MAP3K1: variants seen among roughly 807,000 people sequenced by gnomAD.
MAP3K1 encodes the protein MAP/ERK kinase kinase 1.
Under a neutral mutation model 144.2 loss-of-function variants are expected in MAP3K1, and 36 were observed. The observed-to-expected ratio is 0.25, with a 90% CI of 0.19 to 0.33. The LOEUF is 0.33. Ranked by LOEUF, MAP3K1 falls within the 10% of genes least tolerant of loss-of-function variation. MAP3K1 has a pLI of 1.00. For synonymous variants in MAP3K1, 718 were observed against 688.7 expected (o/e 1.04, Z -0.67); for missense variants, 1,650 against 1,881.9 (o/e 0.88, Z 2.28).
At chr5:56,881,306 C>A (rs759099252) in intron 13 of MAP3K1, 34 bp downstream of exon 13, 2 of 1,549,194 alleles carry the variant, frequency 1.3e-6, no homozygotes, top group Non-Finnish European at 1.8e-6. Flanking sequence ...TTACTTGTAT[C>A]TTCCTACCCT....
intron 1 of MAP3K1, among the ~76,000 whole-genome samples, chr5:56,848,160 GCT>G (rs763233765): frequency 4.0e-5 from 6 of 151,832 alleles, no homozygotes; most frequent in African/African-American, 1.5e-4. Context: ...CTGACTAGTA[GCT>G]CTCTGTCTTT....
At chr5:56,854,333 T>G (rs1200347722) in intron 1 of MAP3K1, among the ~76,000 whole-genome samples, 1 of 145,568 alleles carries the variant, frequency 6.9e-6, no homozygotes, top group Admixed American at 7.2e-5. Flanking sequence ...CTTGGAAGGC[T>G]GAGGCAGGAG....
At chr5:56,822,583 G>A (rs1247806185) in intron 1 of MAP3K1, among the ~76,000 whole-genome samples, 1 of 152,086 alleles carries the variant, frequency 6.6e-6, no homozygotes, top group Non-Finnish European at 1.5e-5. Flanking sequence ...TCATTCTCTT[G>A]AACATTGATA....
chr5:56,867,854 T>C (rs1669844326), intron 6 of MAP3K1, among the ~76,000 whole-genome samples: 1 of 152,174 alleles, frequency 6.6e-6, no homozygotes, highest in African/African-American at 2.4e-5. Flanking sequence ...AGTTTAAATA[T>C]CCAACAGCAA....
intron 1 of MAP3K1, among the ~76,000 whole-genome samples, chr5:56,841,639 C>G (rs1297289326): frequency 6.6e-6 from 1 of 152,222 alleles, no homozygotes; most frequent in African/African-American, 2.4e-5. Flanking sequence ...ATTGAGCTTT[C>G]TATCTTCTGA....
chr5:56,851,641 A>G (rs1031614501), intron 1 of MAP3K1, among the ~76,000 whole-genome samples: 17 of 152,226 alleles, frequency 1.1e-4, no homozygotes, highest in African/African-American at 3.9e-4. Flanking sequence ...CTCTTCCTGC[A>G]GTAACACTAT....
In MAP3K1 at chr5:56,887,538, G is replaced by T. The variant is rs1322125002; in HGVS notation, c.4257+18G>T. 1 of 1,613,874 alleles carries T rather than the reference G, an allele frequency of 6.2e-7. No individual in the cohort carries two copies. Among genetic ancestry groups the T allele is most frequent in the East Asian group, 2.2e-5 (1 of 44,868 alleles). On this transcript the variant is annotated intron_variant, in intron 18 of 19. Coordinates refer to ENST00000399503, the MANE Select transcript of MAP3K1 (RefSeq NM_005921.2). ...CACCTGAGGTGAGAAGCATCTTTGA[G>T]TGTGATGACAGAAAATATTTTGGAA...
At chr5:56,820,805 C>G (rs946260340) in intron 1 of MAP3K1, 5 of 985,146 alleles carry the variant, frequency 5.1e-6, no homozygotes, top group Non-Finnish European at 6.0e-6. Flanking sequence ...AGTGCACAAG[C>G]TGTTTCTGTC....
rs186794673 is a variant in MAP3K1 at position 56,865,739 on chromosome 5, A to C, written c.1153-90A>C. ...TAAATCAACTTTATGAAAAACATGC[A>C]AATTAAAGATAAATAATTCAGCCTC... On this transcript the variant is annotated intron_variant, in intron 5 of 19. Coordinates refer to ENST00000399503, the MANE Select transcript of MAP3K1 (RefSeq NM_005921.2). 14 of 1,372,784 alleles carry C rather than the reference A, an allele frequency of 1.0e-5. No homozygotes were observed. In the African/African-American group the frequency reaches 1.9e-4, roughly 18 times the overall value. The allele number at this position is 1,372,784 out of a possible 1,614,324, so 85.0% of individuals were successfully genotyped here. A position where few individuals can be genotyped will look rare whatever the true frequency, so the allele number is the denominator to read the frequency against.
At chr5:56,867,463 T>G (rs977700232) in intron 6 of MAP3K1, among the ~76,000 whole-genome samples, 1 of 152,096 alleles carries the variant, frequency 6.6e-6, no homozygotes, top group Non-Finnish European at 1.5e-5. Context: ...ATAAACAAAT[T>G]TAAAATTCAA....
At chr5:56,817,410 A>G (rs1215591818) in intron 1 of MAP3K1, among the ~76,000 whole-genome samples, 3 of 152,196 alleles carry the variant, frequency 2.0e-5, no homozygotes, top group Non-Finnish European at 2.9e-5. Context: ...TTCATTATCT[A>G]AAGTGATCTG....
At chr5:56,888,621 C>T (rs997556272) in intron 19 of MAP3K1, among the ~76,000 whole-genome samples, 4 of 152,208 alleles carry the variant, frequency 2.6e-5, no homozygotes, top group African/African-American at 9.7e-5. Flanking sequence ...TGATGCTAGG[C>T]AGTGGCAGCG....
intron 1 of MAP3K1, among the ~76,000 whole-genome samples, chr5:56,844,881 C>T (rs1482852457): frequency 6.6e-6 from 1 of 152,196 alleles, no homozygotes; most frequent in African/African-American, 2.4e-5. Context: ...CTGCATTTGT[C>T]AGGAAGTCAT....
intron 3 of MAP3K1, among the ~76,000 whole-genome samples, chr5:56,860,672 G>C (rs944237318): frequency 1.3e-5 from 2 of 151,906 alleles, no homozygotes; most frequent in Non-Finnish European, 2.9e-5. Flanking sequence ...GGCCAACATG[G>C]TGAAACCTCA....
chr5:56,870,623 A>G (rs1747822796), intron 6 of MAP3K1, among the ~76,000 whole-genome samples: 1 of 152,074 alleles, frequency 6.6e-6, no homozygotes, highest in Non-Finnish European at 1.5e-5. Context: ...AAACAAATAC[A>G]AAGTCATGCC....
At chr5:56,817,159 T>C (rs1298776516) in intron 1 of MAP3K1, 2 of 947,544 alleles carry the variant, frequency 2.1e-6, no homozygotes, top group Non-Finnish European at 2.5e-6. Flanking sequence ...CATTTTTGGC[T>C]ACTGGAAATT....
chr5:56,845,484 C>G (rs1320001596), intron 1 of MAP3K1, among the ~76,000 whole-genome samples: 1 of 152,186 alleles, frequency 6.6e-6, no homozygotes, highest in Non-Finnish European at 1.5e-5. Flanking sequence ...ACCCCTCCCC[C>G]CACAGTAGTA....
chr5:56,846,875 C>T (rs557436220), intron 1 of MAP3K1, among the ~76,000 whole-genome samples: 20 of 152,162 alleles, frequency 1.3e-4, no homozygotes, highest in Admixed American at 1.0e-3. Context: ...TTTTCTTTTT[C>T]CAAATTTGAA....
intron 9 of MAP3K1, 98 bp downstream of exon 9, chr5:56,873,103 C>A: frequency 1.8e-6 from 2 of 1,135,296 alleles, no homozygotes; most frequent in Non-Finnish European, 2.6e-6. Context: ...TAAAAAAACA[C>A]TTTTACTTGC....
Sources: gnomAD v4.1 joint callset for allele counts (sites outside exome capture counted in the v4.1 genomes callset) on GRCh38, gnomAD v4.1.1 for gene constraint, MANE v1.5 for transcripts, NCBI Gene and HGNC (gene_info 2026-07-23, HGNC 2026-07-21) for gene names.